The following SYCP1 variants were observed in gnomAD, a reference collection of about 807,000 sequenced individuals.
SYCP1 encodes cancer/testis antigen 8.
A neutral mutation model predicts 153.1 loss-of-function variants in SYCP1; 64 were observed. That is an observed-to-expected ratio of 0.42 (90% CI 0.34 to 0.51). The LOEUF (loss-of-function observed/expected upper bound fraction) is 0.51. Ranked by LOEUF, SYCP1 falls within the 20% of genes least tolerant of loss-of-function variation. SYCP1 has a pLI of 0.06. For synonymous variants in SYCP1, 384 were observed against 341.8 expected, an observed-to-expected ratio of 1.12 and a Z score of -1.36; for missense variants, 997 against 1,049.0, an observed-to-expected ratio of 0.95 and a Z score of 0.68.
At chr1:114,905,061 C>A (rs1410730793) in intron 16 of SYCP1, among the ~76,000 whole-genome samples, 1 of 151,930 alleles carries the variant, frequency 6.6e-6, no homozygotes, top group Non-Finnish European at 1.5e-5. Context: ...TACTTTTTTT[C>A]TATTTCACTG....
At position 114,958,929 on chromosome 1, in the gene SYCP1, CA is replaced by C. The variant is rs202044089; in HGVS notation, c.2322+11625del. On this transcript the variant is annotated intron_variant, in intron 27 of 31. Coordinates refer to ENST00000369522, the MANE Select transcript of SYCP1 (RefSeq NM_003176.4). ...TGGGCAACAGAGTGAGACTCCGTCT[CA>C]AAAAAAAAAAAAAAAGAGTTCTTTA... is the stretch of plus-strand genomic sequence containing the variant. Among the ~76,000 whole-genome samples the C allele has an allele frequency of 2.8e-3, 299 of 107,378 alleles. 1 individual carries two copies. Among genetic ancestry groups the C allele is most frequent in the African/African-American group, 8.4e-3 (211 of 25,106 alleles). The allele number at this position is 107,378 out of a possible 152,430, so 70.4% of individuals were successfully genotyped here.
chr1:114,907,954 TG>T (rs976407958), intron 16 of SYCP1, among the ~76,000 whole-genome samples: 2 of 152,196 alleles, frequency 1.3e-5, no homozygotes, highest in Non-Finnish European at 2.9e-5. Flanking sequence ...AGTAGTCATA[TG>T]TTTTTTAAAT....
intron 27 of SYCP1, among the ~76,000 whole-genome samples, chr1:114,960,098 A>G (rs909953603): frequency 2.0e-5 from 3 of 150,930 alleles, no homozygotes. Flanking sequence ...TCTTTTGGGT[A>G]TATACCTAGC....
At position 114,944,359 on chromosome 1, in the gene SYCP1, A is replaced by G. The variant is rs1318425127; in HGVS notation, c.1947A>G (p.Glu649=). The G allele has an allele frequency of 1.9e-6, 3 of 1,604,014 alleles. No individual in the cohort carries two copies. Among genetic ancestry groups the G allele is most frequent in the Non-Finnish European group, 2.6e-6 (3 of 1,174,142 alleles). ...TAAAGGTCAATAAATTAGAGTTAGA[A>G]CTAGAAAGTGCCAAACAGAAATTTG... ...YEIKVNKLEL[E]LESAKQKFGE... is the part of the protein sequence containing the mutation. Residue 649 remains glutamate (E), a synonymous_variant, in exon 24 of 32, where the codon GAA becomes GAG. Coordinates refer to ENST00000369522, the MANE Select transcript of SYCP1 (RefSeq NM_003176.4).
chr1:114,902,478 AAG>A (rs979079858), intron 16 of SYCP1, among the ~76,000 whole-genome samples: 1 of 142,526 alleles, frequency 7.0e-6, no homozygotes, highest in African/African-American at 3.1e-5. Context: ...ACTCTCAGCA[AAG>A]AGAGAGTCCT....
intron 27 of SYCP1, among the ~76,000 whole-genome samples, chr1:114,956,912 A>G (rs775831607): frequency 6.6e-6 from 1 of 151,082 alleles, no homozygotes; most frequent in African/African-American, 2.4e-5. Context: ...CAGTGTGCAG[A>G]CATTGTCACA....
At chr1:114,857,700 T>A (rs995301392) in intron 5 of SYCP1, among the ~76,000 whole-genome samples, 1 of 152,094 alleles carries the variant, frequency 6.6e-6, no homozygotes, top group South Asian at 2.1e-4. Context: ...TTTTAAACCA[T>A]GAAATCAAGA....
intron 8 of SYCP1, among the ~76,000 whole-genome samples, chr1:114,872,479 T>C (rs953760787): frequency 6.6e-6 from 1 of 152,172 alleles, no homozygotes; most frequent in African/African-American, 2.4e-5. Flanking sequence ...TGATTTTTTG[T>C]AGTTTGAATG....
At chr1:114,873,310 G>T (rs1338353349) in intron 8 of SYCP1, among the ~76,000 whole-genome samples, 1 of 152,172 alleles carries the variant, frequency 6.6e-6, no homozygotes, top group Non-Finnish European at 1.5e-5. Context: ...TAGACCTATG[G>T]TTAGGTCTCA....
intron 30 of SYCP1, among the ~76,000 whole-genome samples, chr1:114,994,354 T>C (rs544150048): frequency 1.5e-4 from 23 of 151,496 alleles, no homozygotes; most frequent in African/African-American, 5.3e-4. Flanking sequence ...GAGGACAAGA[T>C]GGCATTATAA....
chr1:114,879,425 C>T (rs1362322783), intron 12 of SYCP1, among the ~76,000 whole-genome samples: 1 of 152,098 alleles, frequency 6.6e-6, no homozygotes, highest in African/African-American at 2.4e-5. Context: ...ATATTTTGTG[C>T]TCTTTCAATC....
chr1:114,865,796 AC>A (rs1422347263), intron 8 of SYCP1, among the ~76,000 whole-genome samples: 1 of 152,122 alleles, frequency 6.6e-6, no homozygotes, highest in African/African-American at 2.4e-5. Flanking sequence ...ATAGTATAAT[AC>A]AGAATAGTTT....
intron 27 of SYCP1, among the ~76,000 whole-genome samples, chr1:114,974,684 C>A (rs1167809203): frequency 1.3e-5 from 2 of 151,798 alleles, no homozygotes; most frequent in Non-Finnish European, 3.0e-5. Flanking sequence ...TTAAAGGCTG[C>A]ATAATATTCT....
intron 27 of SYCP1, among the ~76,000 whole-genome samples, chr1:114,961,465 T>G (rs1671777193): frequency 6.6e-6 from 1 of 152,220 alleles, no homozygotes; most frequent in African/African-American, 2.4e-5. Flanking sequence ...GACTTTTTGA[T>G]GTAGGCATTT....
chr1:114,935,617 TG>T (rs1669947321), intron 23 of SYCP1, among the ~76,000 whole-genome samples: 1 of 152,136 alleles, frequency 6.6e-6, no homozygotes, highest in African/African-American at 2.4e-5. Context: ...ATCCAGGAGC[TG>T]GTTTTTTGAA....
At chr1:114,913,869 T>C (rs1557795207) in intron 19 of SYCP1, 106 bp from the exon 20 acceptor site, 1 of 829,728 alleles carries the variant, frequency 1.2e-6, no homozygotes, top group Non-Finnish European at 1.8e-6. Flanking sequence ...TTGCTTTATA[T>C]ATAACTAAAT....
intron 27 of SYCP1, among the ~76,000 whole-genome samples, chr1:114,964,840 T>A (rs1237451735): frequency 6.6e-6 from 1 of 152,186 alleles, no homozygotes; most frequent in South Asian, 2.1e-4. Flanking sequence ...TTGTCTTGGA[T>A]ATATGGGCTC....
rs1003237981 is a variant in SYCP1, at chr1:114,984,922, C to G, written c.2703+54C>G. 4 of 923,184 alleles carry G rather than the reference C, an allele frequency of 4.3e-6. No homozygotes were observed. In the African/African-American group the frequency reaches 5.2e-5, roughly 12 times the overall value. The allele number at this position is 923,184 out of a possible 1,614,324, so 57.2% of individuals were successfully genotyped here. ...TTTATTTATATTACTTATTTGTATA[C>G]TATTTTCCTTGATATACATGTATAA... On this transcript the variant is annotated intron_variant, in intron 30 of 31. Transcript: ENST00000369522.
In SYCP1 at chr1:114,887,754, C is replaced by T. The variant is rs980889297; in HGVS notation, c.1258+61C>T. On this transcript the variant is annotated intron_variant, in intron 15 of 31. Coordinates refer to ENST00000369522, the MANE Select transcript of SYCP1 (RefSeq NM_003176.4). ...TATTAACTTATTATAGAATCATAAA[C>T]ACTGTTTTGAAATAAAATATAATTT... 2.8e-6 allele frequency: 3 copies of T among 1,056,154 alleles called. No homozygotes were observed. In the African/African-American group the frequency reaches 5.0e-5, roughly 18 times the overall value. 65.4% of individuals were successfully genotyped at this position (1,056,154 alleles called of 1,614,324 possible). A position where few individuals can be genotyped will look rare whatever the true frequency, so the allele number is the denominator to read the frequency against.
Sources: allele counts gnomAD v4.1 joint callset (sites outside exome capture counted in the v4.1 genomes callset), GRCh38; gene constraint gnomAD v4.1.1; transcripts MANE v1.5; gene names NCBI Gene and HGNC (gene_info 2026-07-23, HGNC 2026-07-21).